Variants in MTUS2 observed in about 807,000 individuals in gnomAD.
The protein encoded by MTUS2 is microtubule-associated tumor suppressor candidate 2.
In MTUS2, 40 loss-of-function variants were observed where a neutral mutation model predicts 114.1. That is an observed-to-expected ratio of 0.35 (90% CI 0.27 to 0.46). The LOEUF (loss-of-function observed/expected upper bound fraction) is 0.46, where lower values mean the gene tolerates loss of function less well. MTUS2 is among the 20% of genes least tolerant of loss of function. The pLI is 1.00. For synonymous variants in MTUS2, 688 were observed against 672.0 expected (o/e 1.02, Z -0.37); for missense variants, 1,679 against 1,705.4 (o/e 0.98, Z 0.27).
rs1167783699 is a variant in MTUS2 at position 29,025,353 on chromosome 13, A to G, written c.655A>G (p.Thr219Ala). 1.2e-6 allele frequency: 2 copies of G among 1,613,720 alleles called. No homozygotes were observed. Among genetic ancestry groups the G allele is most frequent in the Non-Finnish European group, 1.7e-6 (2 of 1,179,840 alleles). ...IPGGGEGPQKTLPDHAVPAAF... is the reference protein window; with the variant it reads ...IPGGGEGPQKALPDHAVPAAF... ...TGGGGGTGGGGAGGGGCCACAGAAG[A>G]CATTGCCAGACCACGCTGTCCCGGC... The change falls in exon 3 of 16, where the codon ACA becomes GCA. Residue 219 changes from threonine (T) to alanine (A), a missense_variant. Coordinates refer to ENST00000612955, the MANE Select transcript of MTUS2 (RefSeq NM_001033602.4).
chr13:28,987,622 C>T (rs577774130), intron 2 of MTUS2, among the ~76,000 whole-genome samples: 2 of 152,292 alleles, frequency 1.3e-5, no homozygotes, highest in East Asian at 3.9e-4. Flanking sequence ...GACACATGCC[C>T]TGCCTGGAGG....
chr13:29,301,019 A>G (rs1593277811), intron 6 of MTUS2, among the ~76,000 whole-genome samples: 1 of 152,228 alleles, frequency 6.6e-6, no homozygotes, highest in African/African-American at 2.4e-5. Flanking sequence ...TTGGCATTGC[A>G]GAGCCTTCAC....
chr13:29,322,644 A>G (rs1900302976), intron 6 of MTUS2, among the ~76,000 whole-genome samples: 1 of 152,160 alleles, frequency 6.6e-6, no homozygotes, highest in Admixed American at 6.5e-5. Context: ...CTGGCAGGTG[A>G]TGAGAGGGCC....
chr13:28,862,513 T>C (rs1252475041), intron 2 of MTUS2, among the ~76,000 whole-genome samples: 1 of 152,178 alleles, frequency 6.6e-6, no homozygotes, highest in Non-Finnish European at 1.5e-5. Flanking sequence ...CTTGGGAGAC[T>C]GAGGCGGGAG....
intron 5 of MTUS2, among the ~76,000 whole-genome samples, chr13:29,119,112 T>C (rs1891204644): frequency 6.6e-6 from 1 of 152,230 alleles, no homozygotes; most frequent in Non-Finnish European, 1.5e-5. Flanking sequence ...TAGAAATTCA[T>C]AATTGCAGAG....
intron 2 of MTUS2, among the ~76,000 whole-genome samples, chr13:28,874,617 A>G (rs538967348): frequency 1.2e-4 from 19 of 152,178 alleles, no homozygotes; most frequent in Non-Finnish European, 2.6e-4. Context: ...TCCTCAAGGC[A>G]TGGTTGCTGG....
chr13:29,281,417 GTC>G (rs1478279693), intron 5 of MTUS2, among the ~76,000 whole-genome samples: 35 of 135,280 alleles, frequency 2.6e-4, no homozygotes, highest in South Asian at 8.6e-4. Context: ...ATGTATGTAT[GTC>G]TGTGTGTGTG....
chr13:29,201,336 G>GT (rs35381798), intron 5 of MTUS2, among the ~76,000 whole-genome samples: 80 of 145,702 alleles, frequency 5.5e-4, no homozygotes, highest in African/African-American at 5.3e-4. Context: ...TGCAACCCCT[G>GT]TTTTTTTTTT....
rs750735074 is a variant in MTUS2, at chr13:29,025,437, T to G, written c.739T>G (p.Ser247Ala). The part of the protein sequence containing the change: ...EGKSVRHPKP[S>A]TSESKQSTPS... ...AAAGAGTGTGCGTCATCCTAAACCA[T>G]CTACCTCAGAAAGCAAGCAGAGCAC... Residue 247 changes from serine to alanine, a missense_variant, in exon 3 of 16, where the codon TCT becomes GCT. Physicochemically the swap from Ser to Ala is moderately conservative, Grantham distance 99. Around this residue, in one of 3 missense-constraint regions of MTUS2, gnomAD observed 843 missense variants for 770.8 expected, o/e 1.09. Coordinates refer to ENST00000612955, the MANE Select transcript of MTUS2 (RefSeq NM_001033602.4). The G allele has an allele frequency of 1.9e-6, 3 of 1,611,990 alleles. No individual in the cohort carries two copies. The African/African-American group carries it at 4.0e-5, about 22-fold the overall frequency.
chr13:29,439,891 A>G (rs899936939), intron 8 of MTUS2, 92 bp from the exon 9 acceptor site: 1 of 1,002,282 alleles, frequency 1.0e-6, no homozygotes, highest in Non-Finnish European at 1.5e-6. Flanking sequence ...ACTTATAAAT[A>G]TTTGCTTAAT....
At chr13:29,282,262 G>T (rs1898304951) in intron 6 of MTUS2, among the ~76,000 whole-genome samples, 2 of 152,240 alleles carry the variant, frequency 1.3e-5, no homozygotes, top group African/African-American at 4.8e-5. Flanking sequence ...CTCTGCAGCA[G>T]TCCAGGAGTG....
chr13:28,910,003 C>T (rs1310935968), intron 2 of MTUS2, among the ~76,000 whole-genome samples: 1 of 152,102 alleles, frequency 6.6e-6, no homozygotes, highest in East Asian at 1.9e-4. Flanking sequence ...ATGGGGTATC[C>T]GTTCCTTCAA....
intron 5 of MTUS2, among the ~76,000 whole-genome samples, chr13:29,216,694 T>C (rs1025567746): frequency 1.3e-5 from 2 of 152,200 alleles, no homozygotes; most frequent in African/African-American, 4.8e-5. Context: ...CTACACTGAC[T>C]GTCTAACCAG....
In MTUS2 at chr13:29,100,853, C is replaced by T. The variant is rs1022118060; in HGVS notation, c.2527C>T (p.Arg843Cys). 10 of 1,552,796 alleles carry T rather than the reference C, an allele frequency of 6.4e-6. No homozygotes were observed. The highest frequency in any genetic ancestry group is 2.0e-5 in the Admixed American group (1 of 51,092). The change falls in exon 5 of 16, where the codon CGT (arginine) becomes TGT (cysteine). Residue 843 changes from arginine (R) to cysteine (C), a missense_variant. Around this residue, in one of 3 missense-constraint regions of MTUS2, gnomAD observed 822 missense variants for 899.7 expected, o/e 0.91. Coordinates refer to ENST00000612955, the MANE Select transcript of MTUS2 (RefSeq NM_001033602.4). ...KSGLRPPGYS[R>C]LPAAKLAAFG... ...TGGTCTCCGTCCTCCCGGATACTCA[C>T]GTCTCCCGGCAGCCAAACTGGCGGC...
intron 4 of MTUS2, among the ~76,000 whole-genome samples, chr13:29,037,235 G>A (rs1001237119): frequency 1.3e-5 from 2 of 152,166 alleles, no homozygotes; most frequent in African/African-American, 4.8e-5. Flanking sequence ...GCATTTGCTT[G>A]TCTGTCAAGG....
intron 9 of MTUS2, among the ~76,000 whole-genome samples, chr13:29,471,648 A>G (rs966733891): frequency 3.9e-5 from 6 of 151,928 alleles, no homozygotes; most frequent in South Asian, 4.1e-4. Context: ...CCCTCCCACT[A>G]TTACCACACG....
Position 29,498,538 on chromosome 13 carries a change from G to T in MTUS2, c.3798+1G>T, listed in dbSNP as rs781461104. On this transcript the variant is annotated splice_donor_variant, in intron 14 of 15. Transcript: ENST00000612955. LOFTEE classifies it high-confidence loss of function. Reference sequence around the variant, plus strand: ...GAAGATTCTTGAGCTGGAAAAGCTGGTGAGTTGGTCTGTTTGCTCGGGAGA... The same window carrying T: ...GAAGATTCTTGAGCTGGAAAAGCTGTTGAGTTGGTCTGTTTGCTCGGGAGA... 6.2e-7 allele frequency: 1 copy of T among 1,613,924 alleles called. No individual in the cohort carries two copies.
Position 28,933,162 on chromosome 13 carries a change from C to CAG in MTUS2, c.-242-91293_-242-91292dup, listed in dbSNP as rs1336613366. On this transcript the variant is annotated intron_variant, in intron 2 of 15. Coordinates refer to ENST00000612955, the MANE Select transcript of MTUS2 (RefSeq NM_001033602.4). ...ACACACACACACACACACACACACACAGATTGATTGATCTGTTAACTTATC... is the reference window on the plus strand; with the variant it reads ...ACACACACACACACACACACACACACAGAGATTGATTGATCTGTTAACTTATC... 8.6e-5 allele frequency among the ~76,000 whole-genome samples: 11 copies of CAG among 127,202 alleles called. 1 individual carries two copies. Among genetic ancestry groups the CAG allele is most frequent in the Middle Eastern group, 4.3e-3 (1 of 234 alleles). 83.4% of individuals were successfully genotyped at this position (127,202 alleles called of 152,430 possible).
intron 5 of MTUS2, among the ~76,000 whole-genome samples, chr13:29,213,843 C>T (rs1895558007): frequency 6.6e-6 from 1 of 152,090 alleles, no homozygotes; most frequent in Non-Finnish European, 1.5e-5. Context: ...AATCTACCAT[C>T]TTGCTATATT....
Sources: allele counts gnomAD v4.1 joint callset (sites outside exome capture counted in the v4.1 genomes callset), GRCh38; gene constraint gnomAD v4.1.1; regional missense constraint gnomAD v4.1.1; transcripts MANE v1.5; gene names NCBI Gene and HGNC (gene_info 2026-07-23, HGNC 2026-07-21).